SCRN3: variants seen among roughly 807,000 people sequenced by gnomAD.
The protein encoded by SCRN3 is secernin-3.
In SCRN3, 39 loss-of-function variants were observed where a neutral mutation model predicts 43.1. The observed-to-expected ratio is 0.91, with a 90% CI of 0.70 to 1.18. The LOEUF (loss-of-function observed/expected upper bound fraction) is 1.18. Among genes scored for constraint, SCRN3 ranks in the 50% most tolerant of loss-of-function variants. The pLI, the probability that SCRN3 is intolerant of heterozygous loss-of-function variation, is 0.00. For missense variants in SCRN3, 484 were observed against 498.0 expected (o/e 0.97, Z 0.27); for synonymous variants, 147 against 163.1 (o/e 0.90, Z 0.75).
chr2:174,406,825 G>A (rs2105579779), intron 5 of SCRN3, among the ~76,000 whole-genome samples: 1 of 133,494 alleles, frequency 7.5e-6, no homozygotes, highest in South Asian at 2.3e-4. Flanking sequence ...GATCATGGTG[G>A]ATAAGCTTTT....
chr2:174,400,964 A>G (rs779575026), intron 3 of SCRN3, 26 bp from the exon 4 acceptor site: 1 of 1,507,872 alleles, frequency 6.6e-7, no homozygotes, highest in South Asian at 1.3e-5. Flanking sequence ...TTATTTTAAT[A>G]TGAGAACTTT....
intron 5 of SCRN3, 115 bp from the exon 6 acceptor site, chr2:174,422,770 C>A: frequency 1.7e-6 from 1 of 595,940 alleles, no homozygotes; most frequent in Non-Finnish European, 2.8e-6. Context: ...TAGTCAGTCT[C>A]TTAATTTATG....
chr2:174,420,306 GA>G (rs994376911), intron 5 of SCRN3, among the ~76,000 whole-genome samples: 7 of 152,114 alleles, frequency 4.6e-5, no homozygotes, highest in Admixed American at 1.3e-4. Flanking sequence ...GGAAGAGTAA[GA>G]ACAAACAAGG....
At chr2:174,398,596 T>C (rs1685405257) in intron 2 of SCRN3, among the ~76,000 whole-genome samples, 154 bp downstream of exon 2, 1 of 152,234 alleles carries the variant, frequency 6.6e-6, no homozygotes, top group Non-Finnish European at 1.5e-5. Context: ...TGATCTTTTA[T>C]TTCAGTGATT....
At chr2:174,416,119 G>A (rs530674831) in intron 5 of SCRN3, among the ~76,000 whole-genome samples, 36 of 152,158 alleles carry the variant, frequency 2.4e-4, no homozygotes, top group South Asian at 8.3e-4. Flanking sequence ...GGGGTCCAGG[G>A]CCACCAAGCA....
At position 174,427,906 on chromosome 2, in the gene SCRN3, G is replaced by A. The variant is rs1686547911; in HGVS notation, c.*11G>A. On this transcript the variant is annotated 3_prime_UTR_variant, in exon 8 of 8. Coordinates refer to ENST00000272732, the MANE Select transcript of SCRN3 (RefSeq NM_024583.5). ...AAAGTTAGTTCTTAGTGATCATATG[G>A]TCAGCTAATATTAGTTCTTAGTGAT... 6.6e-7 allele frequency: 1 copy of A among 1,515,144 alleles called. No homozygotes were observed. Among genetic ancestry groups the A allele is most frequent in the East Asian group, 2.3e-5 (1 of 44,156 alleles). 93.9% of individuals were successfully genotyped at this position (1,515,144 alleles called of 1,614,324 possible). A position where few individuals can be genotyped will look rare whatever the true frequency, so the allele number is the denominator to read the frequency against.
At chr2:174,417,209 C>T (rs1686142259) in intron 5 of SCRN3, among the ~76,000 whole-genome samples, 2 of 151,896 alleles carry the variant, frequency 1.3e-5, no homozygotes, top group Admixed American at 6.6e-5. Context: ...TTGATAGGTG[C>T]AGCAAACCAC....
intron 5 of SCRN3, among the ~76,000 whole-genome samples, chr2:174,419,227 A>G (rs1056952639): frequency 2.0e-5 from 3 of 152,014 alleles, no homozygotes; most frequent in African/African-American, 7.2e-5. Flanking sequence ...TTTTACTGTC[A>G]TTATAGGGTT....
At chr2:174,427,265 T>A (rs1686519387) in intron 7 of SCRN3, among the ~76,000 whole-genome samples, 2 of 152,202 alleles carry the variant, frequency 1.3e-5, no homozygotes, top group Non-Finnish European at 2.9e-5. Context: ...AAGGATGAAG[T>A]CATAGAGGAA....
At chr2:174,416,301 T>C (rs1686104986) in intron 5 of SCRN3, among the ~76,000 whole-genome samples, 2 of 152,158 alleles carry the variant, frequency 1.3e-5, no homozygotes, top group African/African-American at 4.8e-5. Context: ...GCATATACTT[T>C]GGTGGCAGAA....
intron 5 of SCRN3, among the ~76,000 whole-genome samples, chr2:174,408,626 C>T (rs1355109696): frequency 2.8e-5 from 4 of 140,580 alleles, no homozygotes; most frequent in African/African-American, 1.0e-4. Context: ...TTAGCGCTTC[C>T]TTCAGGAGCT....
intron 5 of SCRN3, among the ~76,000 whole-genome samples, chr2:174,415,327 A>G (rs1183559860): frequency 1.3e-5 from 2 of 152,174 alleles, no homozygotes; most frequent in African/African-American, 2.4e-5. Flanking sequence ...GTACCCACAA[A>G]GAGAAATAAG....
intron 5 of SCRN3, among the ~76,000 whole-genome samples, chr2:174,414,675 G>C (rs982459938): frequency 2.0e-5 from 3 of 151,320 alleles, no homozygotes; most frequent in African/African-American, 7.3e-5. Flanking sequence ...CCTGTTATTT[G>C]GGTTATTTTT....
rs1199683463 is a variant in SCRN3, at chr2:174,424,370, A to G, written c.918-105A>G. On this transcript the variant is annotated intron_variant, in intron 6 of 7. Transcript: ENST00000272732. ...TGACAGGAACAAGTTAGTATGTAGC[A>G]TCATTAACAGAAACTTCTAATTGAG... 4 of 803,868 alleles carry G rather than the reference A, an allele frequency of 5.0e-6. No individual in the cohort carries two copies. In the Admixed American group the frequency reaches 8.6e-5, roughly 17 times the overall value. 49.8% of individuals were successfully genotyped at this position (803,868 alleles called of 1,614,324 possible). A position where few individuals can be genotyped will look rare whatever the true frequency, so the allele number is the denominator to read the frequency against.
chr2:174,398,336 A>G lies in SCRN3; in HGVS notation c.53A>G (p.Asp18Gly), dbSNP rs765649031. Residue 18 changes from aspartate (D) to glycine (G), a missense_variant, in exon 2 of 8, where the codon GAT (aspartate) becomes GGT (glycine). Coordinates refer to ENST00000272732, the MANE Select transcript of SCRN3 (RefSeq NM_024583.5). ...GTGGCATTACCTCCAGCAACAGTCG[A>G]TAACAGGATTATTTTTGGAAAAAAT... ...TFVALPPATV[D>G]NRIIFGKNSD... 11 of 1,606,266 alleles carry G rather than the reference A, an allele frequency of 6.8e-6. No individual in the cohort carries two copies. The highest frequency in any genetic ancestry group is 2.2e-5 in the East Asian group (1 of 44,494).
At chr2:174,418,012 G>C (rs914770127) in intron 5 of SCRN3, among the ~76,000 whole-genome samples, 4 of 151,978 alleles carry the variant, frequency 2.6e-5, no homozygotes, top group African/African-American at 9.7e-5. Flanking sequence ...TAAAAATGAA[G>C]AACAACAATG....
chr2:174,422,569 CA>C (rs397872881), intron 5 of SCRN3, among the ~76,000 whole-genome samples: 24,537 of 109,000 alleles, frequency 0.23, 2,134 homozygotes, highest in Middle Eastern at 0.35. Flanking sequence ...GACTCTGTCT[CA>C]AAAAAAAAAA....
At position 174,398,373 on chromosome 2, in the gene SCRN3, C is replaced by G. The variant is rs561587140; in HGVS notation, c.90C>G (p.Leu30=). The change falls in exon 2 of 8, where the codon CTC becomes CTG. Residue 30 remains leucine (L), a synonymous_variant. Transcript: ENST00000272732. ...TTTTTGGAAAAAATTCAGATAGACTCTATGATGAAGTACAAGAGGTGGTTT... is the reference window on the plus strand; with the variant it reads ...TTTTTGGAAAAAATTCAGATAGACTGTATGATGAAGTACAAGAGGTGGTTT... The part of the protein sequence containing the change: ...RIIFGKNSDR[L]YDEVQEVVYF... 1.4e-5 allele frequency: 22 copies of G among 1,608,878 alleles called. No individual in the cohort carries two copies. The highest frequency in any genetic ancestry group is 4.5e-5 in the East Asian group (2 of 44,552).
Position 174,427,852 on chromosome 2 carries a change from TTCAAATTTATCAG to T in SCRN3, c.1251_1263del (p.Asn417LysfsTer11), listed in dbSNP as rs145699077. 0.28 allele frequency: 448,353 copies of T among 1,579,850 alleles called. 74,005 individuals are homozygous for T. Among genetic ancestry groups the T allele is most frequent in the Middle Eastern group, 0.47 (2,778 of 5,908 alleles). ...TTTCCTCAGTGTACAAAAGATGAAA[TTCAAATTTATCAG>T]TCAAATTTATCAGTCAAAGTTAGTT... On this transcript the variant is annotated frameshift_variant, in exon 8 of 8. Coordinates refer to ENST00000272732, the MANE Select transcript of SCRN3 (RefSeq NM_024583.5). LOFTEE classifies it high-confidence loss of function.
Sources: gnomAD v4.1 joint callset for allele counts (sites outside exome capture counted in the v4.1 genomes callset) on GRCh38, gnomAD v4.1.1 for gene constraint, MANE v1.5 for transcripts, NCBI Gene and HGNC (gene_info 2026-07-23, HGNC 2026-07-21) for gene names.